Variants in TFDP1 observed in about 807,000 individuals in gnomAD.
The protein encoded by TFDP1 is DRTF1-polypeptide 1.
A neutral mutation model predicts 48.0 loss-of-function variants in TFDP1; 6 were observed. The ratio of observed to expected loss-of-function variants is 0.13; its 90% CI spans 0.07 to 0.25. The LOEUF is 0.25. Among genes scored for constraint, TFDP1 ranks in the 10% least tolerant of loss-of-function variants. The pLI is 1.00. For synonymous variants in TFDP1, 201 were observed against 211.6 expected (o/e 0.95, Z 0.44); for missense variants, 335 against 543.0 (o/e 0.62, Z 3.81).
rs1045020081 is a variant in TFDP1 at position 113,631,856 on chromosome 13, G to A, written c.308+112G>A. 4.6e-5 allele frequency: 65 copies of A among 1,405,002 alleles called. No homozygotes were observed. In the African/African-American group the frequency reaches 5.3e-4, roughly 11 times the overall value. The allele number at this position is 1,405,002 out of a possible 1,614,324, so 87.0% of individuals were successfully genotyped here. On this transcript the variant is annotated intron_variant, in intron 5 of 11. Coordinates refer to ENST00000375370, the MANE Select transcript of TFDP1 (RefSeq NM_007111.5). The stretch of plus-strand genomic sequence containing the variant: ...GTCGTGCGATGGGGCTCCCACGCGC[G>A]TTGACGCCAGCCTCCGAATCACACT...
intron 2 of TFDP1, among the ~76,000 whole-genome samples, chr13:113,589,039 G>C (rs2048076570): frequency 6.6e-6 from 1 of 151,770 alleles, no homozygotes; most frequent in African/African-American, 2.4e-5. Context: ...TGTGGGTGGA[G>C]AGTGAGTGGC....
chr13:113,586,098 G>T, intron 2 of TFDP1: 1 of 400,488 alleles, frequency 2.5e-6, no homozygotes, highest in Non-Finnish European at 4.4e-6. Context: ...GGTGCCTTCT[G>T]ACTTTTTCCT....
In TFDP1 at chr13:113,607,469, C is replaced by G. The variant is rs2048597471; in HGVS notation, c.13-3527C>G. Reference sequence around the variant, plus strand: ...AGCAAAATGATGCTTGTGGCAGACACAGTTGGAACCACAGACGATGCCACG... The same window carrying G: ...AGCAAAATGATGCTTGTGGCAGACAGAGTTGGAACCACAGACGATGCCACG... On this transcript the variant is annotated intron_variant, in intron 2 of 11. Coordinates refer to ENST00000375370, the MANE Select transcript of TFDP1 (RefSeq NM_007111.5). This position sits in a 1 kb window ranked among gnomAD's most constrained non-coding sequence, Gnocchi z 5.2. Among the ~76,000 whole-genome samples, 1 of 152,244 alleles carries G rather than the reference C, an allele frequency of 6.6e-6. No individual in the cohort carries two copies. The highest frequency in any genetic ancestry group is 1.5e-5 in the Non-Finnish European group (1 of 68,046).
At chr13:113,634,704 T>G (rs752991387) in intron 8 of TFDP1, 102 bp downstream of exon 8, 48 of 809,620 alleles carry the variant, frequency 5.9e-5, no homozygotes, top group Admixed American at 1.0e-4. Flanking sequence ...GCATGGCAAA[T>G]CAAATGACTG....
At chr13:113,609,630 G>A (rs1471830001) in intron 2 of TFDP1, among the ~76,000 whole-genome samples, 2 of 151,944 alleles carry the variant, frequency 1.3e-5, no homozygotes, top group East Asian at 1.9e-4. Flanking sequence ...ACTGTTACCT[G>A]GGTGGCACCA....
At position 113,627,798 on chromosome 13, in the gene TFDP1, G is replaced by A. The variant is rs1406988706; in HGVS notation, c.187-3825G>A. Reference sequence around the variant, plus strand: ...AGAATCGAATGCCTGATGATCTGAGGTGGGACAGTTTCTTCCCGAAACTAC... The same window carrying A: ...AGAATCGAATGCCTGATGATCTGAGATGGGACAGTTTCTTCCCGAAACTAC... On this transcript the variant is annotated intron_variant, in intron 4 of 11. Coordinates refer to ENST00000375370, the MANE Select transcript of TFDP1 (RefSeq NM_007111.5). The surrounding 1 kb of genome is among the most constrained non-coding windows in gnomAD (Gnocchi z 4.1). 1.3e-5 allele frequency among the ~76,000 whole-genome samples: 2 copies of A among 152,156 alleles called. No homozygotes were observed. The highest frequency in any genetic ancestry group is 2.4e-5 in the African/African-American group (1 of 41,430).
At chr13:113,614,025 C>T (rs1594470975) in intron 3 of TFDP1, among the ~76,000 whole-genome samples, 4 of 130,034 alleles carry the variant, frequency 3.1e-5, no homozygotes, top group South Asian at 2.4e-4. Flanking sequence ...CAGTTGTGTG[C>T]GTGCGTTTGT....
chr13:113,586,103 T>A, intron 2 of TFDP1: 1 of 391,880 alleles, frequency 2.6e-6, no homozygotes. Context: ...CTTCTGACTT[T>A]TTCCTTATCT....
chr13:113,601,395 A>G (rs1254932425), intron 2 of TFDP1, among the ~76,000 whole-genome samples: 1 of 59,518 alleles, frequency 1.7e-5, no homozygotes, highest in Admixed American at 1.9e-4. Flanking sequence ...GTGTTCTTGC[A>G]CTTTGCCTTG....
At chr13:113,618,669 G>T (rs535474996) in intron 3 of TFDP1, among the ~76,000 whole-genome samples, 1 of 152,222 alleles carries the variant, frequency 6.6e-6, no homozygotes, top group Admixed American at 6.5e-5. Flanking sequence ...GACAGCGGCC[G>T]CTGGGACCCG....
chr13:113,630,983 GC>G (rs1269080022), intron 4 of TFDP1, among the ~76,000 whole-genome samples: 8 of 152,292 alleles, frequency 5.3e-5, no homozygotes, highest in Admixed American at 4.6e-4. Flanking sequence ...AGTGCTGGTG[GC>G]CCTCCCTCCT....
chr13:113,637,737 G>A, intron 10 of TFDP1, 81 bp from the exon 11 acceptor site: 2 of 1,611,626 alleles, frequency 1.2e-6, no homozygotes, highest in Admixed American at 1.7e-5. Context: ...CTGTGGAACT[G>A]CGCGTCATTT....
chr13:113,613,238 A>C (rs562320498), intron 3 of TFDP1, among the ~76,000 whole-genome samples: 4 of 151,822 alleles, frequency 2.6e-5, no homozygotes, highest in African/African-American at 9.7e-5. Context: ...CTGGTTTCGA[A>C]CTCCTGACAT....
At chr13:113,593,699 G>C (rs2048208113) in intron 2 of TFDP1, among the ~76,000 whole-genome samples, 1 of 139,190 alleles carries the variant, frequency 7.2e-6, no homozygotes, top group Non-Finnish European at 1.5e-5. Context: ...CAGGTGACAG[G>C]TGTGGTGTAC....
intron 1 of TFDP1, 138 bp from the exon 2 acceptor site, chr13:113,585,636 C>T: frequency 3.8e-6 from 2 of 529,114 alleles, no homozygotes; most frequent in Non-Finnish European, 3.4e-6. Flanking sequence ...GTCGGTTTGG[C>T]CAGCTCCGCT....
At chr13:113,603,171 C>G (rs372191334) in intron 2 of TFDP1, among the ~76,000 whole-genome samples, 1 of 152,186 alleles carries the variant, frequency 6.6e-6, no homozygotes, top group South Asian at 2.1e-4. Context: ...GGTGAGACAG[C>G]GTGGGGTCCA....
intron 2 of TFDP1, among the ~76,000 whole-genome samples, chr13:113,588,800 C>T (rs1417889742): frequency 7.1e-6 from 1 of 140,956 alleles, no homozygotes; most frequent in East Asian, 2.1e-4. Context: ...GTGGTAGACT[C>T]GGGGACAGTG....
chr13:113,587,371 T>C (rs1265733635), intron 2 of TFDP1, among the ~76,000 whole-genome samples: 1 of 152,048 alleles, frequency 6.6e-6, no homozygotes, highest in Non-Finnish European at 1.5e-5. Context: ...AGTAGGATTC[T>C]GCAGCTGGTG....
intron 3 of TFDP1, among the ~76,000 whole-genome samples, chr13:113,619,738 A>G (rs2048952907): frequency 1.3e-5 from 2 of 152,112 alleles, no homozygotes; most frequent in Admixed American, 6.5e-5. Flanking sequence ...TTACTGATGT[A>G]CGTACCCTGC....
Sources: gnomAD v4.1 joint callset for allele counts (sites outside exome capture counted in the v4.1 genomes callset) on GRCh38, gnomAD v4.1.1 for gene constraint, Gnocchi (gnomAD v3.1) non-coding constraint, MANE v1.5 for transcripts, NCBI Gene and HGNC (gene_info 2026-07-23, HGNC 2026-07-21) for gene names.